Variants in LRP1B observed in about 807,000 individuals in gnomAD.
LRP1B encodes the protein LDL receptor related protein 1B, also known as low-density lipoprotein receptor-related protein 1B.
In LRP1B, 217 loss-of-function variants were observed where a neutral mutation model predicts 556.6. The observed-to-expected ratio is 0.39, with a 90% CI of 0.35 to 0.44. LRP1B has a LOEUF of 0.44. Ranked by LOEUF, LRP1B falls within the 20% of genes least tolerant of loss-of-function variation. LRP1B has a pLI of 1.00. For synonymous variants in LRP1B, 2,047 were observed against 1,865.8 expected (o/e 1.10, Z -2.50); for missense variants, 5,053 against 5,620.8 (o/e 0.90, Z 3.23).
intron 33 of LRP1B, among the ~76,000 whole-genome samples, chr2:140,773,985 G>A (rs1689406074): frequency 6.6e-6 from 1 of 151,940 alleles, no homozygotes; most frequent in African/African-American, 2.4e-5. Flanking sequence ...ATCTCTAGTG[G>A]AGCTAGAAAG....
intron 2 of LRP1B, among the ~76,000 whole-genome samples, chr2:141,768,045 C>A (rs1415379080): frequency 6.6e-6 from 1 of 152,054 alleles, no homozygotes; most frequent in Non-Finnish European, 1.5e-5. Flanking sequence ...ATGCTTATCC[C>A]AGTATATTAT....
intron 20 of LRP1B, among the ~76,000 whole-genome samples, chr2:140,944,102 C>T (rs1695476217): frequency 6.6e-6 from 1 of 151,916 alleles, no homozygotes; most frequent in Non-Finnish European, 1.5e-5. Flanking sequence ...CAACTGATCC[C>T]ATAGAAATGC....
At chr2:142,031,768 C>T (rs1468615444) in intron 1 of LRP1B, among the ~76,000 whole-genome samples, 1 of 151,678 alleles carries the variant, frequency 6.6e-6, no homozygotes, top group Non-Finnish European at 1.5e-5. Context: ...TGTTGAAATG[C>T]TAATCCCCAG....
intron 2 of LRP1B, among the ~76,000 whole-genome samples, chr2:141,583,801 A>G (rs1687032579): frequency 6.6e-6 from 1 of 150,898 alleles, no homozygotes; most frequent in Non-Finnish European, 1.5e-5. Context: ...GTGCCGTGGC[A>G]CTATCTCGGC....
chr2:141,995,441 C>T (rs538497020), intron 1 of LRP1B, among the ~76,000 whole-genome samples: 11 of 152,260 alleles, frequency 7.2e-5, no homozygotes, highest in Admixed American at 6.5e-4. Context: ...CCTCTTTTAG[C>T]GGCCCCTGTG....
At chr2:142,093,648 T>A (rs1327322591) in intron 1 of LRP1B, among the ~76,000 whole-genome samples, 2 of 152,032 alleles carry the variant, frequency 1.3e-5, no homozygotes, top group Non-Finnish European at 2.9e-5. Context: ...TCCAAGAAAG[T>A]GTGCATGTGC....
intron 7 of LRP1B, among the ~76,000 whole-genome samples, chr2:141,125,885 TA>T (rs1198770114): frequency 7.1e-6 from 1 of 141,782 alleles, no homozygotes; most frequent in Non-Finnish European, 1.6e-5. Flanking sequence ...CTAAGCCTTT[TA>T]AAATTAATTT....
intron 1 of LRP1B, among the ~76,000 whole-genome samples, chr2:141,894,630 A>AAG (rs1385540873): frequency 1.1e-3 from 157 of 144,578 alleles, no homozygotes; most frequent in African/African-American, 3.3e-3. Flanking sequence ...TTCTAAATAG[A>AAG]ATATTTAGAT....
At chr2:140,459,715 G>C (rs1456840487) in intron 60 of LRP1B, among the ~76,000 whole-genome samples, 1 of 152,004 alleles carries the variant, frequency 6.6e-6, no homozygotes, top group East Asian at 1.9e-4. Context: ...GTTTGGCTCC[G>C]TGTCTCCACC....
Position 140,702,205 on chromosome 2 carries a change from A to T in LRP1B, c.6238T>A (p.Ser2080Thr), listed in dbSNP as rs2105428511. 6.2e-7 allele frequency: 1 copy of T among 1,613,784 alleles called. No individual in the cohort carries two copies. Among genetic ancestry groups the T allele is most frequent in the Non-Finnish European group, 8.5e-7 (1 of 1,179,812 alleles). ...ETGGNREMVLSGSNVDMFSVA... is the reference protein window; with the variant it reads ...ETGGNREMVLTGSNVDMFSVA... ...GAAAACATATCCACATTGCTTCCTG[A>T]CAGCACCATCTCGCGATTCCCTCCA... Residue 2080 changes from serine to threonine, a missense_variant, in exon 39 of 91, where the codon TCA becomes ACA. Physicochemically the swap from Ser to Thr is moderately conservative, Grantham distance 58 (BLOSUM62 1). Around this residue, in one of 5 missense-constraint regions of LRP1B, gnomAD observed 3,619 missense variants for 3,931.9 expected, o/e 0.92. Coordinates refer to ENST00000389484, the MANE Select transcript of LRP1B (RefSeq NM_018557.3).
chr2:141,684,121 A>G (rs1160462565), intron 2 of LRP1B, among the ~76,000 whole-genome samples: 1 of 152,162 alleles, frequency 6.6e-6, no homozygotes, highest in African/African-American at 2.4e-5. Context: ...CCAAAGGATT[A>G]TAAATCATTC....
rs1315276459 is a variant in LRP1B at position 141,638,883 on chromosome 2, G to A, written c.206-158350C>T. Among the ~76,000 whole-genome samples the A allele has an allele frequency of 4.8e-4, 22 of 45,854 alleles. 2 individuals are homozygous for A. Among genetic ancestry groups the A allele is most frequent in the African/African-American group, 1.5e-3 (17 of 11,060 alleles). The allele number at this position is 45,854 out of a possible 152,430, so 30.1% of individuals were successfully genotyped here. Reference sequence around the variant, plus strand: ...GCCATATATATATATATATATATATGTGTGTGTATGTGCGTGTGTGTGTGT... The same window carrying A: ...GCCATATATATATATATATATATATATGTGTGTATGTGCGTGTGTGTGTGT... On this transcript the variant is annotated intron_variant, in intron 2 of 90. Coordinates refer to ENST00000389484, the MANE Select transcript of LRP1B (RefSeq NM_018557.3).
intron 6 of LRP1B, among the ~76,000 whole-genome samples, chr2:141,210,638 AT>A (rs1682501781): frequency 6.6e-6 from 1 of 152,222 alleles, no homozygotes; most frequent in South Asian, 2.1e-4. Flanking sequence ...TCATCAAGAA[AT>A]TCCTACTTAA....
intron 7 of LRP1B, among the ~76,000 whole-genome samples, chr2:141,104,083 A>T (rs2104946368): frequency 6.6e-6 from 1 of 152,100 alleles, no homozygotes; most frequent in African/African-American, 2.4e-5. Flanking sequence ...TGGAATGTTA[A>T]AAATAGCTGC....
At chr2:141,697,755 T>C (rs996396553) in intron 2 of LRP1B, among the ~76,000 whole-genome samples, 1 of 152,062 alleles carries the variant, frequency 6.6e-6, no homozygotes, top group Admixed American at 6.6e-5. Context: ...GATTTTCTTC[T>C]ATAAGAAACA....
intron 16 of LRP1B, among the ~76,000 whole-genome samples, chr2:140,993,201 T>A (rs929400083): frequency 6.6e-6 from 1 of 151,988 alleles, no homozygotes; most frequent in African/African-American, 2.4e-5. Flanking sequence ...AGAAAAAAAA[T>A]TAAAAACAAT....
chr2:140,831,746 G>A (rs1411853068), intron 31 of LRP1B, among the ~76,000 whole-genome samples: 1 of 152,032 alleles, frequency 6.6e-6, no homozygotes, highest in Non-Finnish European at 1.5e-5. Flanking sequence ...TCTACAGAAT[G>A]GAAGAAAATA....
At chr2:140,245,516 T>G (rs1163828718) in intron 87 of LRP1B, among the ~76,000 whole-genome samples, 1 of 151,424 alleles carries the variant, frequency 6.6e-6, no homozygotes, top group African/African-American at 2.4e-5. Flanking sequence ...GAAACTACCA[T>G]TAAAAAGGCT....
chr2:142,096,119 A>G (rs1028046760), intron 1 of LRP1B, among the ~76,000 whole-genome samples: 2 of 151,870 alleles, frequency 1.3e-5, no homozygotes, highest in South Asian at 4.1e-4. Flanking sequence ...TCTTTTGCAG[A>G]AGTTCACAGA....
Sources: gnomAD v4.1 joint callset for allele counts (sites outside exome capture counted in the v4.1 genomes callset) on GRCh38, gnomAD v4.1.1 for gene constraint, gnomAD v4.1.1 regional missense constraint, MANE v1.5 for transcripts, NCBI Gene and HGNC (gene_info 2026-07-23, HGNC 2026-07-21) for gene names.